FBP1: variants seen among roughly 807,000 people sequenced by gnomAD.
FBP1 encodes fructose-1,6-bisphosphatase 1.
In FBP1, 22 loss-of-function variants were observed where a neutral mutation model predicts 29.9. The observed-to-expected ratio is 0.74, with a 90% CI of 0.53 to 1.05. The LOEUF (loss-of-function observed/expected upper bound fraction) is 1.05, where lower values mean the gene tolerates loss of function less well. Ranked by LOEUF, FBP1 falls within the 50% of genes least tolerant of loss-of-function variation. FBP1 has a pLI of 0.00. For missense variants in FBP1, 345 were observed against 448.2 expected, an observed-to-expected ratio of 0.77 and a Z score of 2.08; for synonymous variants, 175 against 178.6, an observed-to-expected ratio of 0.98 and a Z score of 0.16.
In FBP1 at chr9:94,609,780, C is replaced by T. The variant is rs3824484; in HGVS notation, c.567+141G>A. ...TACACTCTCTCTTGGTCTCCTGCCC[C>T]CTTTCCACCACACATCATCATCTCT... On this transcript the variant is annotated intron_variant, in intron 4 of 6. Coordinates refer to ENST00000375326, the MANE Select transcript of FBP1 (RefSeq NM_000507.4). The T allele has an allele frequency of 0.5, 481,118 of 959,414 alleles. 123,302 individuals carry two copies. The highest frequency in any genetic ancestry group is 0.67 in the Admixed American group (35,957 of 53,274). 59.4% of individuals were successfully genotyped at this position (959,414 alleles called of 1,614,324 possible).
chr9:94,638,867 G>C (rs1169821964), intron 1 of FBP1, among the ~76,000 whole-genome samples: 2 of 152,160 alleles, frequency 1.3e-5, no homozygotes, highest in East Asian at 3.9e-4. Flanking sequence ...TCAGGGCAGA[G>C]AAGAGGAATG....
In FBP1 at chr9:94,629,997, G is replaced by C. The variant is rs2131499826; in HGVS notation, c.170+9144C>G. Reference sequence around the variant, plus strand: ...TTACAGGCAGCCAGAGGTTTTTCTAGTGAGGTCTGAAGCAAAAGTACAGGG... The same window carrying C: ...TTACAGGCAGCCAGAGGTTTTTCTACTGAGGTCTGAAGCAAAAGTACAGGG... On this transcript the variant is annotated intron_variant, in intron 1 of 6. Coordinates refer to ENST00000375326, the MANE Select transcript of FBP1 (RefSeq NM_000507.4). Among the ~76,000 whole-genome samples, 2 of 152,272 alleles carry C rather than the reference G, an allele frequency of 1.3e-5. 1 individual carries two copies. Among genetic ancestry groups the C allele is most frequent in the South Asian group, 4.1e-4 (2 of 4,822 alleles).
intron 1 of FBP1, among the ~76,000 whole-genome samples, chr9:94,628,905 A>G (rs1412799812): frequency 6.6e-6 from 1 of 152,192 alleles, no homozygotes; most frequent in Non-Finnish European, 1.5e-5. Flanking sequence ...ATCTCGTTCT[A>G]TGTTGTATCA....
At chr9:94,631,982 T>C (rs1828110422) in intron 1 of FBP1, among the ~76,000 whole-genome samples, 1 of 152,112 alleles carries the variant, frequency 6.6e-6, no homozygotes, top group African/African-American at 2.4e-5. Flanking sequence ...GCTTCTTTTA[T>C]GCAAACAAAC....
chr9:94,633,057 G>A (rs1828126696), intron 1 of FBP1, among the ~76,000 whole-genome samples: 1 of 152,190 alleles, frequency 6.6e-6, no homozygotes, highest in Non-Finnish European at 1.5e-5. Context: ...TTTCCAAAAT[G>A]TTGGGATCAT....
intron 1 of FBP1, among the ~76,000 whole-genome samples, chr9:94,630,357 A>G (rs1828084387): frequency 6.6e-6 from 1 of 152,176 alleles, no homozygotes. Flanking sequence ...CCAGATTAGC[A>G]TAGCTTCTTG....
intron 1 of FBP1, 112 bp downstream of exon 1, chr9:94,639,029 C>T (rs1828241487): frequency 9.3e-7 from 1 of 1,078,424 alleles, no homozygotes; most frequent in Non-Finnish European, 1.4e-6. Flanking sequence ...AGACATCAGA[C>T]GGACAGACAG....
intron 1 of FBP1, among the ~76,000 whole-genome samples, chr9:94,622,397 G>A (rs755418230): frequency 6.6e-6 from 1 of 152,222 alleles, no homozygotes; most frequent in Admixed American, 6.5e-5. Context: ...CCATGATGGC[G>A]ATGTGCGCTC....
chr9:94,639,416 T>G lies in FBP1; in HGVS notation c.-106A>C. The G allele has an allele frequency of 7.5e-7, 1 of 1,337,908 alleles. No individual in the cohort carries two copies. Among genetic ancestry groups the G allele is most frequent in the Non-Finnish European group, 1.0e-6 (1 of 957,948 alleles). The allele number at this position is 1,337,908 out of a possible 1,614,324, so 82.9% of individuals were successfully genotyped here. A position where few individuals can be genotyped will look rare whatever the true frequency, so the allele number is the denominator to read the frequency against. On this transcript the variant is annotated 5_prime_UTR_variant, in exon 1 of 7. Transcript: ENST00000375326. ...TAGGCACTGGCCGCAGGTGCGGAGCTGCAGGTGCGGGCGGCAGGTGCGGGC... is the reference window on the plus strand; with the variant it reads ...TAGGCACTGGCCGCAGGTGCGGAGCGGCAGGTGCGGGCGGCAGGTGCGGGC...
chr9:94,622,987 T>A (rs1181520547), intron 1 of FBP1, among the ~76,000 whole-genome samples: 3 of 151,726 alleles, frequency 2.0e-5, no homozygotes, highest in African/African-American at 7.3e-5. Context: ...TTTATTTTTA[T>A]TTTTATTTTT....
rs906747510 is a variant in FBP1 at position 94,604,249 on chromosome 9, A to G, written c.826-677T>C. Among the ~76,000 whole-genome samples, 7 of 152,260 alleles carry G rather than the reference A, an allele frequency of 4.6e-5. No homozygotes were observed. In the East Asian group the frequency reaches 9.6e-4, roughly 21 times the overall value. ...CTAGTTTTGAAAAACCAAAAAAAAAAAGAAGGAGCCTCAATATTTGTGTTC... is the reference window on the plus strand; with the variant it reads ...CTAGTTTTGAAAAACCAAAAAAAAAGAGAAGGAGCCTCAATATTTGTGTTC... On this transcript the variant is annotated intron_variant, in intron 6 of 6. Transcript: ENST00000375326.
intron 1 of FBP1, among the ~76,000 whole-genome samples, chr9:94,629,910 C>T (rs1828077764): frequency 6.6e-6 from 1 of 152,210 alleles, no homozygotes; most frequent in Non-Finnish European, 1.5e-5. Context: ...GAGCTCACCT[C>T]ACCTGTTGGG....
chr9:94,639,523 G>A (rs1329567658), upstream of FBP1: 1 of 622,058 alleles, frequency 1.6e-6, no homozygotes. Context: ...GGCCAGGCCA[G>A]GCGCCGGCGG....
chr9:94,635,728 CA>C (rs1221233463), intron 1 of FBP1, among the ~76,000 whole-genome samples: 1 of 152,200 alleles, frequency 6.6e-6, no homozygotes, highest in Non-Finnish European at 1.5e-5. Context: ...CCCCAACAAC[CA>C]GGCATGCACA....
intron 1 of FBP1, among the ~76,000 whole-genome samples, chr9:94,622,236 T>A (rs1236908809): frequency 6.6e-6 from 1 of 152,124 alleles, no homozygotes; most frequent in East Asian, 1.9e-4. Flanking sequence ...TAGCCTGGGG[T>A]TGCCCTGAAC....
chr9:94,605,961 C>G (rs1587852981), intron 5 of FBP1, among the ~76,000 whole-genome samples: 1 of 152,128 alleles, frequency 6.6e-6, no homozygotes, highest in Non-Finnish European at 1.5e-5. Context: ...GGAGAGGAAA[C>G]TGCACAAGTG....
At chr9:94,613,519 C>G (rs1264110920) in intron 3 of FBP1, among the ~76,000 whole-genome samples, 29 of 132,944 alleles carry the variant, frequency 2.2e-4, no homozygotes, top group Admixed American at 2.0e-3. Flanking sequence ...AATCCCAACA[C>G]TTTGGGAGGT....
intron 3 of FBP1, among the ~76,000 whole-genome samples, chr9:94,613,448 G>A (rs1026552465): frequency 1.3e-5 from 2 of 152,154 alleles, no homozygotes; most frequent in Admixed American, 6.5e-5. Flanking sequence ...AGGAGAATTC[G>A]CCCTGTCAGG....
intron 2 of FBP1, among the ~76,000 whole-genome samples, chr9:94,618,685 T>C (rs140283066): frequency 1.6e-4 from 24 of 152,084 alleles, no homozygotes; most frequent in Middle Eastern, 3.4e-3. Flanking sequence ...ATTCCCAAAG[T>C]AGATAACTTT....
Sources: allele counts gnomAD v4.1 joint callset (sites outside exome capture counted in the v4.1 genomes callset), GRCh38; gene constraint gnomAD v4.1.1; transcripts MANE v1.5; gene names NCBI Gene and HGNC (gene_info 2026-07-23, HGNC 2026-07-21).